The following ADAMTSL3 variants were observed in gnomAD, a reference collection of about 807,000 sequenced individuals.
ADAMTSL3 encodes ADAMTS like 3, also known as ADAMTS-like protein 3.
ADAMTSL3 carries 128 observed loss-of-function variants against 201.7 expected under a neutral mutation model. That is an observed-to-expected ratio of 0.63 (90% CI 0.55 to 0.73). The LOEUF is 0.73. Ranked by LOEUF, ADAMTSL3 falls within the 30% of genes least tolerant of loss-of-function variation. The probability of loss-of-function intolerance (pLI) is 0.00; values close to 1 mark genes in which losing one functional copy is unlikely to be tolerated. For synonymous variants in ADAMTSL3, 738 were observed against 748.4 expected (o/e 0.99, Z 0.23); for missense variants, 1,990 against 2,119.6 (o/e 0.94, Z 1.20).
intron 28 of ADAMTSL3, among the ~76,000 whole-genome samples, chr15:84,036,348 C>T (rs549832059): frequency 1.3e-5 from 2 of 152,202 alleles, no homozygotes; most frequent in Non-Finnish European, 2.9e-5. Flanking sequence ...AGTCATACAC[C>T]GCAGTATGTT....
chr15:83,968,394 C>T (rs541696448), intron 19 of ADAMTSL3, among the ~76,000 whole-genome samples: 13 of 152,310 alleles, frequency 8.5e-5, no homozygotes, highest in Admixed American at 4.6e-4. Context: ...CCAAAGGAGA[C>T]ATTTATGCGG....
At position 84,021,550 on chromosome 15, in the gene ADAMTSL3, C is replaced by G. The variant is rs2068205959; in HGVS notation, c.4414C>G (p.Leu1472Val). The stretch of plus-strand genomic sequence containing the variant: ...CCTGTGTGATCACCTCCAGAAGCCA[C>G]TGGCTGGGTTTGAGCCCTGTAACAT... The part of the protein sequence containing the change: ...EALCDHLQKP[L>V]AGFEPCNIRD... The change falls in exon 26 of 30, where the codon CTG (leucine) becomes GTG (valine). Residue 1472 changes from leucine to valine, a missense_variant. By Grantham distance (32) the Leu-to-Val change is conservative. Coordinates refer to ENST00000286744, the MANE Select transcript of ADAMTSL3 (RefSeq NM_207517.3). The G allele has an allele frequency of 1.2e-5, 20 of 1,614,182 alleles. No individual in the cohort carries two copies. The highest frequency in any genetic ancestry group is 1.7e-5 in the Non-Finnish European group (20 of 1,180,028).
At chr15:83,721,490 A>T (rs1031900462) in intron 3 of ADAMTSL3, among the ~76,000 whole-genome samples, 2 of 152,196 alleles carry the variant, frequency 1.3e-5, no homozygotes, top group Non-Finnish European at 2.9e-5. Context: ...TGAACAAAGT[A>T]TCTTTCCTGG....
intron 28 of ADAMTSL3, 61 bp from the exon 29 acceptor site, chr15:84,036,712 A>C (rs2068512538): frequency 7.1e-7 from 1 of 1,400,786 alleles, no homozygotes; most frequent in Admixed American, 2.3e-5. Flanking sequence ...GTCCCAGCAA[A>C]AAGTTACACC....
chr15:83,861,814 A>G (rs1345964050), intron 8 of ADAMTSL3: 1 of 152,216 alleles, frequency 6.6e-6, no homozygotes. Context: ...CAGACAATCA[A>G]ACTACTCCGA....
intron 3 of ADAMTSL3, among the ~76,000 whole-genome samples, chr15:83,711,329 T>C (rs1428354165): frequency 6.6e-6 from 1 of 152,210 alleles, no homozygotes; most frequent in East Asian, 1.9e-4. Flanking sequence ...GGAAAGTATA[T>C]ACCAACTTCT....
intron 2 of ADAMTSL3, among the ~76,000 whole-genome samples, chr15:83,676,918 C>T (rs951215217): frequency 6.6e-6 from 1 of 152,228 alleles, no homozygotes; most frequent in South Asian, 2.1e-4. Flanking sequence ...GGACCTCCCA[C>T]TCTCCAGAAC....
intron 4 of ADAMTSL3, among the ~76,000 whole-genome samples, chr15:83,791,230 AC>A (rs1320283741): frequency 2.1e-4 from 32 of 152,352 alleles, no homozygotes; most frequent in South Asian, 1.7e-3. Context: ...ATAGAAAAAA[AC>A]AATCTTAAAA....
Position 83,854,407 on chromosome 15 carries a change from T to A in ADAMTSL3, c.728-4359T>A, listed in dbSNP as rs140861148. Among the ~76,000 whole-genome samples, 537 of 152,348 alleles carry A rather than the reference T, an allele frequency of 3.5e-3. 2 individuals are homozygous for A. Among genetic ancestry groups the A allele is most frequent in the African/African-American group, 0.012 (514 of 41,580 alleles). ...TGATCAGCAAGGTCTTAGGTTTAATTAGAATTGGATTGAACATTTGTGGCA... is the reference window on the plus strand; with the variant it reads ...TGATCAGCAAGGTCTTAGGTTTAATAAGAATTGGATTGAACATTTGTGGCA... On this transcript the variant is annotated intron_variant, in intron 7 of 29. Coordinates refer to ENST00000286744, the MANE Select transcript of ADAMTSL3 (RefSeq NM_207517.3).
rs140504075 is a variant in ADAMTSL3 at position 83,917,417 on chromosome 15, G to GTATGTGTA, written c.1987+4040_1987+4041insATGTGTAT. ...CACCAATCTCCAGCTTCCAAAGTGT[G>GTATGTGTA]TGTATGTATGTATGTATGTATGTAT... On this transcript the variant is annotated intron_variant, in intron 16 of 29. Transcript: ENST00000286744. 5.8e-3 allele frequency among the ~76,000 whole-genome samples: 851 copies of GTATGTGTA among 146,636 alleles called. 4 individuals are homozygous for GTATGTGTA. The highest frequency in any genetic ancestry group is 0.02 in the African/African-American group (794 of 38,760).
intron 15 of ADAMTSL3, among the ~76,000 whole-genome samples, chr15:83,904,714 C>T (rs988463531): frequency 6.6e-6 from 1 of 152,206 alleles, no homozygotes; most frequent in African/African-American, 2.4e-5. Context: ...TAAAATTCCT[C>T]CCTGGAGCCT....
intron 2 of ADAMTSL3, among the ~76,000 whole-genome samples, chr15:83,688,245 C>T (rs921460743): frequency 6.6e-6 from 1 of 152,112 alleles, no homozygotes; most frequent in African/African-American, 2.4e-5. Flanking sequence ...TTTCTAACTT[C>T]TAAGGAGGAA....
chr15:84,037,796 AAGAGGGATAAACCTT>A lies in ADAMTSL3; in HGVS notation c.5067_*5del, dbSNP rs766725411. On this transcript the variant is annotated stop_lost and 3_prime_UTR_variant, in exon 30 of 30. Transcript: ENST00000286744. ...AAACAAAGGTGCTGCCAGTCATGTC[AAGAGGGATAAACCTT>A]TGGAGGGGTCATGATGCTGCTGTGA... The A allele has an allele frequency of 6.2e-7, 1 of 1,613,312 alleles. No individual in the cohort carries two copies. Among genetic ancestry groups the A allele is most frequent in the Admixed American group, 1.7e-5 (1 of 59,742 alleles).
chr15:83,771,920 G>A (rs1596177611), intron 3 of ADAMTSL3, among the ~76,000 whole-genome samples: 1 of 151,310 alleles, frequency 6.6e-6, no homozygotes, highest in African/African-American at 2.4e-5. Flanking sequence ...GCAGTGGCAC[G>A]ATCTCAGCTG....
intron 2 of ADAMTSL3, among the ~76,000 whole-genome samples, chr15:83,658,425 T>C (rs74024526): frequency 0.023 from 3,512 of 152,308 alleles, 125 homozygotes; most frequent in African/African-American, 0.074. Context: ...ATATTTTCTT[T>C]ATTGAATCAG....
intron 6 of ADAMTSL3, among the ~76,000 whole-genome samples, chr15:83,834,479 ATTTAAAAAAAAAATTGTTT>A (rs1464953588): frequency 6.6e-6 from 1 of 151,958 alleles, no homozygotes; most frequent in Non-Finnish European, 1.5e-5. Context: ...CAAACGGTTG[ATTTAAAAAAAAAATTGTTT>A]TGTTCTTGAA....
At chr15:83,693,236 G>A (rs1038785211) in intron 2 of ADAMTSL3, among the ~76,000 whole-genome samples, 7 of 152,146 alleles carry the variant, frequency 4.6e-5, no homozygotes, top group Admixed American at 2.0e-4. Flanking sequence ...TGCATATGTC[G>A]GTTGCACTGG....
At chr15:83,885,659 A>T (rs2065373729) in intron 10 of ADAMTSL3, among the ~76,000 whole-genome samples, 1 of 151,982 alleles carries the variant, frequency 6.6e-6, no homozygotes, top group South Asian at 2.1e-4. Flanking sequence ...GCAAGAGTAT[A>T]AGCTTATTAA....
At chr15:83,761,733 A>G (rs2062811244) in intron 3 of ADAMTSL3, among the ~76,000 whole-genome samples, 1 of 152,186 alleles carries the variant, frequency 6.6e-6, no homozygotes, top group African/African-American at 2.4e-5. Flanking sequence ...CCCTCATGTA[A>G]AGTATCTTTA....
Sources: allele counts gnomAD v4.1 joint callset (sites outside exome capture counted in the v4.1 genomes callset), GRCh38; gene constraint gnomAD v4.1.1; transcripts MANE v1.5; gene names NCBI Gene and HGNC (gene_info 2026-07-23, HGNC 2026-07-21).